The following ZNF470 variants were observed in gnomAD, a reference collection of about 807,000 sequenced individuals.
ZNF470 encodes chondrogenesis zinc finger protein 1.
Under a neutral mutation model 13.9 loss-of-function variants are expected in ZNF470, and 13 were observed. That is an observed-to-expected ratio of 0.94 (90% CI 0.61 to 1.49). The LOEUF is 1.49. Among genes scored for constraint, ZNF470 ranks in the 40% most tolerant of loss-of-function variants. ZNF470 has a pLI of 0.00. For synonymous variants in ZNF470, 293 were observed against 282.9 expected (o/e 1.04, Z -0.36); for missense variants, 929 against 857.3 (o/e 1.08, Z -1.04).
At position 56,574,717 on chromosome 19, in the gene ZNF470, CAG is replaced by C; in HGVS notation, c.270_271del (p.Gly91ProfsTer22). On this transcript the variant is annotated frameshift_variant, in exon 5 of 6. Transcript: ENST00000330619. LOFTEE classifies it low-confidence loss of function (END_TRUNC). ...DPWVIKGGMN[R>X]GLCPDLECVW... is the part of the protein sequence containing the mutation. ...CTTGGGTGATAAAAGGAGGGATGAA[CAG>C]AGGCCTGTGCCCAGGTAAGTGGAGG... 6.2e-7 allele frequency: 1 copy of C among 1,613,666 alleles called. No homozygotes were observed. The highest frequency in any genetic ancestry group is 8.5e-7 in the Non-Finnish European group (1 of 1,179,718).
intron 3 of ZNF470, among the ~76,000 whole-genome samples, chr19:56,570,604 G>A (rs535849764): frequency 2.2e-4 from 34 of 152,070 alleles, no homozygotes; most frequent in Non-Finnish European, 4.1e-4. Context: ...TTTCATTCAG[G>A]AAATGACCCA....
chr19:56,571,723 C>T (rs1403966386), intron 3 of ZNF470, among the ~76,000 whole-genome samples: 1 of 151,572 alleles, frequency 6.6e-6, no homozygotes, highest in Non-Finnish European at 1.5e-5. Context: ...ATTCTTCTGC[C>T]TCAGCCTCCC....
In ZNF470 at chr19:56,576,929, T is replaced by G. The variant is rs1412740536; in HGVS notation, c.500T>G (p.Leu167Arg). The change falls in exon 6 of 6, where the codon CTT (leucine) becomes CGT (arginine). Residue 167 changes from leucine (L) to arginine (R), a missense_variant. Coordinates refer to ENST00000330619, the MANE Select transcript of ZNF470 (RefSeq NM_001001668.4). ...GAGACCATCACTCATATAGATACTCTTATTGAAAAAAGAGATCACTCTAAC... is the reference window on the plus strand; with the variant it reads ...GAGACCATCACTCATATAGATACTCGTATTGAAAAAAGAGATCACTCTAAC... ...RQETITHIDT[L>R]IEKRDHSNKS... 5.7e-6 allele frequency: 9 copies of G among 1,579,094 alleles called. No homozygotes were observed. The highest frequency in any genetic ancestry group is 7.7e-6 in the Non-Finnish European group (9 of 1,168,410).
intron 3 of ZNF470, among the ~76,000 whole-genome samples, chr19:56,571,333 C>T (rs888186592): frequency 1.3e-5 from 2 of 152,016 alleles, no homozygotes; most frequent in Admixed American, 6.6e-5. Context: ...GAATTTTTGC[C>T]CTCATCTCTG....
Position 56,577,352 on chromosome 19 carries a change from G to C in ZNF470, c.923G>C (p.Gly308Ala), listed in dbSNP as rs900873430. ...GTTCAACACCAGAGAGTTCATACTGGAGAGAAACCTTATCAGTGTAAGCAG... is the reference window on the plus strand; with the variant it reads ...GTTCAACACCAGAGAGTTCATACTGCAGAGAAACCTTATCAGTGTAAGCAG... ...HLVQHQRVHT[G>A]EKPYQCKQCN... The change falls in exon 6 of 6, where the codon GGA becomes GCA. Residue 308 changes from glycine (G) to alanine (A), a missense_variant. Coordinates refer to ENST00000330619, the MANE Select transcript of ZNF470 (RefSeq NM_001001668.4). The C allele has an allele frequency of 6.2e-7, 1 of 1,613,728 alleles. No individual in the cohort carries two copies. Among genetic ancestry groups the C allele is most frequent in the Non-Finnish European group, 8.5e-7 (1 of 1,179,782 alleles).
In ZNF470 at chr19:56,581,422, C is replaced by A; in HGVS notation, c.*2839C>A. On this transcript the variant is annotated 3_prime_UTR_variant, in exon 6 of 6. Transcript: ENST00000330619. ...TGTATATACCCTTTGAATTAATATT[C>A]CTTGGAAACCAACATATACAAAGGT... The A allele has an allele frequency of 1.0e-6, 1 of 966,858 alleles. No homozygotes were observed. The highest frequency in any genetic ancestry group is 1.2e-6 in the Non-Finnish European group (1 of 813,164). 59.9% of individuals were successfully genotyped at this position (966,858 alleles called of 1,614,324 possible).
chr19:56,582,260 A>T lies in ZNF470; in HGVS notation c.*3677A>T. 1 of 985,400 alleles carries T rather than the reference A, an allele frequency of 1.0e-6. No individual in the cohort carries two copies. The highest frequency in any genetic ancestry group is 1.2e-6 in the Non-Finnish European group (1 of 829,922). The allele number at this position is 985,400 out of a possible 1,614,324, so 61.0% of individuals were successfully genotyped here. On this transcript the variant is annotated 3_prime_UTR_variant, in exon 6 of 6. Transcript: ENST00000330619. ...ATTTAAGGAGGATGGAGAATGCTGA[A>T]TCCAAAAGGTATATGTAATACTGGT...
rs2044516642 is a variant in ZNF470, at chr19:56,579,179, T to C, written c.*596T>C. On this transcript the variant is annotated 3_prime_UTR_variant, in exon 6 of 6. Coordinates refer to ENST00000330619, the MANE Select transcript of ZNF470 (RefSeq NM_001001668.4). ...GCTCATGCCTGTAGTCCCAGCACTT[T>C]GGGAGGCTGAGGCAGGCAGATTGCT... 1 of 982,104 alleles carries C rather than the reference T, an allele frequency of 1.0e-6. No individual in the cohort carries two copies. The highest frequency in any genetic ancestry group is 1.7e-5 in the African/African-American group (1 of 57,272). 60.8% of individuals were successfully genotyped at this position (982,104 alleles called of 1,614,324 possible). A position where few individuals can be genotyped will look rare whatever the true frequency, so the allele number is the denominator to read the frequency against.
chr19:56,568,841 A>G lies in ZNF470; in HGVS notation c.-75A>G, dbSNP rs2044430440. The G allele has an allele frequency of 6.6e-6, 1 of 152,228 alleles. No homozygotes were observed. Among genetic ancestry groups the G allele is most frequent in the Non-Finnish European group, 1.5e-5 (1 of 68,042 alleles). The allele number at this position is 152,228 out of a possible 1,614,324, so 9.4% of individuals were successfully genotyped here. A position where few individuals can be genotyped will look rare whatever the true frequency, so the allele number is the denominator to read the frequency against. On this transcript the variant is annotated 5_prime_UTR_variant, in exon 2 of 6. Coordinates refer to ENST00000330619, the MANE Select transcript of ZNF470 (RefSeq NM_001001668.4). ...TTCAGATCCAGAACAGGCTGACTCC[A>G]GAGTCACTGGCTGTCATGTAGTTTC...
At position 56,576,618 on chromosome 19, in the gene ZNF470, G is replaced by C. The variant is rs868069779; in HGVS notation, c.284-95G>C. 9 of 1,049,894 alleles carry C rather than the reference G, an allele frequency of 8.6e-6. No individual in the cohort carries two copies. The African/African-American group carries it at 9.8e-5, about 11-fold the overall frequency. The allele number at this position is 1,049,894 out of a possible 1,614,324, so 65.0% of individuals were successfully genotyped here. A position where few individuals can be genotyped will look rare whatever the true frequency, so the allele number is the denominator to read the frequency against. On this transcript the variant is annotated intron_variant, in intron 5 of 5. Transcript: ENST00000330619. ...TAAAAACATGTACCTCTGCTTGTGG[G>C]TTTCAATAACTATGTGATTCACATT...
rs973249281 is a variant in ZNF470, at chr19:56,579,898, C to T, written c.*1315C>T. On this transcript the variant is annotated 3_prime_UTR_variant, in exon 6 of 6. Transcript: ENST00000330619. ...ATCATCTGTAGAATTTTGATTTTAA[C>T]GAGGAATGTAGTTTACATTAGGAAT... The T allele has an allele frequency of 2.9e-5, 12 of 414,076 alleles. No homozygotes were observed. The highest frequency in any genetic ancestry group is 1.0e-4 in the South Asian group (1 of 9,786). 25.7% of individuals were successfully genotyped at this position (414,076 alleles called of 1,614,324 possible).
Position 56,581,105 on chromosome 19 carries a change from CAA to C in ZNF470, c.*2524_*2525del, listed in dbSNP as rs1431102577. On this transcript the variant is annotated 3_prime_UTR_variant, in exon 6 of 6. Transcript: ENST00000330619. Reference sequence around the variant, plus strand: ...TCAATAGATAAATGAGAGACTGACACAAAGTGTTTGCAACAGATATAATAAAG... The same window carrying C: ...TCAATAGATAAATGAGAGACTGACACAGTGTTTGCAACAGATATAATAAAG... 2.9e-5 allele frequency: 28 copies of C among 967,462 alleles called. No homozygotes were observed. Among genetic ancestry groups the C allele is most frequent in the Non-Finnish European group, 3.4e-5 (28 of 813,682 alleles). The allele number at this position is 967,462 out of a possible 1,614,324, so 59.9% of individuals were successfully genotyped here.
rs2044494765 is a variant in ZNF470, at chr19:56,577,162, C to T, written c.733C>T (p.Leu245Phe). Residue 245 changes from leucine to phenylalanine, a missense_variant, in exon 6 of 6, where the codon CTT (leucine) becomes TTT (phenylalanine). Transcript: ENST00000330619. ...KIFSKISTLTLHQRIHTGEKP... is the reference protein window; with the variant it reads ...KIFSKISTLTFHQRIHTGEKP... ...ATTCAGCAAAATCTCAACCCTTACTCTTCACCAAAGAATTCATACAGGAGA... is the reference window on the plus strand; with the variant it reads ...ATTCAGCAAAATCTCAACCCTTACTTTTCACCAAAGAATTCATACAGGAGA... 1.9e-6 allele frequency: 3 copies of T among 1,613,442 alleles called. No individual in the cohort carries two copies. Among genetic ancestry groups the T allele is most frequent in the Non-Finnish European group, 8.5e-7 (1 of 1,179,828 alleles).
At chr19:56,573,540 G>A (rs2044469326) in intron 3 of ZNF470, among the ~76,000 whole-genome samples, 1 of 152,226 alleles carries the variant, frequency 6.6e-6, no homozygotes, top group Non-Finnish European at 1.5e-5. Context: ...ACAGTCCAGT[G>A]GATCACTTTG....
At chr19:56,576,630 A>G in intron 5 of ZNF470, 83 bp from the exon 6 acceptor site, 3 of 1,162,340 alleles carry the variant, frequency 2.6e-6, no homozygotes, top group South Asian at 2.7e-5. Context: ...TTCAATAACT[A>G]TGTGATTCAC....
At position 56,574,451 on chromosome 19, in the gene ZNF470, C is replaced by T; in HGVS notation, c.118C>T (p.Leu40=). 1 of 1,613,910 alleles carries T rather than the reference C, an allele frequency of 6.2e-7. No homozygotes were observed. ...CTTTTCCCAAGATGAATGGGAGTGGCTGAATCTTGCTCAGAGAAGTTTGTA... is the reference window on the plus strand; with the variant it reads ...CTTTTCCCAAGATGAATGGGAGTGGTTGAATCTTGCTCAGAGAAGTTTGTA... ...IDFSQDEWEW[L]NLAQRSLYKK... is the part of the protein sequence containing the mutation. Residue 40 remains leucine (L), a synonymous_variant, in exon 4 of 6, where the codon CTG becomes TTG. Coordinates refer to ENST00000330619, the MANE Select transcript of ZNF470 (RefSeq NM_001001668.4).
Position 56,581,381 on chromosome 19 carries a change from C to T in ZNF470, c.*2798C>T, listed in dbSNP as rs2044534460. The T allele has an allele frequency of 5.2e-6, 5 of 957,930 alleles. No homozygotes were observed. The African/African-American group carries it at 8.8e-5, about 17-fold the overall frequency. 59.3% of individuals were successfully genotyped at this position (957,930 alleles called of 1,614,324 possible). On this transcript the variant is annotated 3_prime_UTR_variant, in exon 6 of 6. Coordinates refer to ENST00000330619, the MANE Select transcript of ZNF470 (RefSeq NM_001001668.4). ...AACAAGGGAATTCCATTGTTGATTACATATCTATTGCTTTATGTATATACC... is the reference window on the plus strand; with the variant it reads ...AACAAGGGAATTCCATTGTTGATTATATATCTATTGCTTTATGTATATACC...
chr19:56,579,295 A>AC lies in ZNF470; in HGVS notation c.*714dup. ...AAATTAGCCAGGCGTGGTGGTGCACACCTGTAGTCCTAGCTACTCAGGAGG... is the reference window on the plus strand; with the variant it reads ...AAATTAGCCAGGCGTGGTGGTGCACACCCTGTAGTCCTAGCTACTCAGGAGG... On this transcript the variant is annotated 3_prime_UTR_variant, in exon 6 of 6. Coordinates refer to ENST00000330619, the MANE Select transcript of ZNF470 (RefSeq NM_001001668.4). 3.6e-6 allele frequency: 2 copies of AC among 557,990 alleles called. No individual in the cohort carries two copies. Among genetic ancestry groups the AC allele is most frequent in the Non-Finnish European group, 4.5e-6 (2 of 441,018 alleles). The allele number at this position is 557,990 out of a possible 1,614,324, so 34.6% of individuals were successfully genotyped here.
At chr19:56,573,971 A>G in intron 3 of ZNF470, 2 of 984,806 alleles carry the variant, frequency 2.0e-6, no homozygotes, top group Non-Finnish European at 2.4e-6. Context: ...GGAGATTGAA[A>G]TCATGTTCAT....
Sources: allele counts gnomAD v4.1 joint callset (sites outside exome capture counted in the v4.1 genomes callset), GRCh38; gene constraint gnomAD v4.1.1; transcripts MANE v1.5; gene names NCBI Gene and HGNC (gene_info 2026-07-23, HGNC 2026-07-21).